Variants in ASMTL observed in about 807,000 individuals in gnomAD.
ASMTL encodes the protein probable bifunctional dTTP/UTP pyrophosphatase/methyltransferase protein.
A neutral mutation model predicts 60.3 loss-of-function variants in ASMTL; 57 were observed. The ratio of observed to expected loss-of-function variants is 0.95; its 90% CI spans 0.76 to 1.18. The LOEUF (loss-of-function observed/expected upper bound fraction) is 1.18. Among genes scored for constraint, ASMTL ranks in the 50% most tolerant of loss-of-function variants. The pLI is 0.00. For missense variants in ASMTL, 981 were observed against 852.6 expected, an observed-to-expected ratio of 1.15 and a Z score of -1.88; for synonymous variants, 419 against 373.0, an observed-to-expected ratio of 1.12 and a Z score of -1.42.
At chrX:1,452,691 T>C in intron 1 of ASMTL, 57 bp downstream of exon 1, 2 of 1,443,850 alleles carry the variant, frequency 1.4e-6, no homozygotes, top group Non-Finnish European at 1.9e-6. Flanking sequence ...CGCTGGGCCC[T>C]CCGGGGTTCA....
At chrX:1,407,251 G>T (rs1355699557) in intron 12 of ASMTL, among the ~76,000 whole-genome samples, 2 of 151,868 alleles carry the variant, frequency 1.3e-5, no homozygotes, top group African/African-American at 4.8e-5. Context: ...TAGATGGATG[G>T]ATGGATAGAT....
intron 2 of ASMTL, 101 bp from the exon 3 acceptor site, chrX:1,439,245 G>C: frequency 7.9e-7 from 1 of 1,260,102 alleles, no homozygotes; most frequent in Non-Finnish European, 1.1e-6. Flanking sequence ...CAGGGGCGAA[G>C]CCAGGCCGAC....
At position 1,406,053 on chromosome X, in the gene ASMTL, G is replaced by A. The variant is rs756457647; in HGVS notation, c.1646-2564C>T. On this transcript the variant is annotated intron_variant, in intron 12 of 12. Coordinates refer to ENST00000381317, the MANE Select transcript of ASMTL (RefSeq NM_004192.4). ...GATGGTAGACGATGGGTAGGTAGGT[G>A]GATGGATAGATGGAGGCATGGATGA... is the stretch of plus-strand genomic sequence containing the variant. Among the ~76,000 whole-genome samples the A allele has an allele frequency of 4.8e-3, 717 of 148,418 alleles. 8 individuals are homozygous for A. The highest frequency in any genetic ancestry group is 0.017 in the African/African-American group (677 of 40,126).
intron 12 of ASMTL, among the ~76,000 whole-genome samples, chrX:1,411,869 G>A (rs2090041083): frequency 6.9e-6 from 1 of 144,108 alleles, no homozygotes; most frequent in African/African-American, 2.6e-5. Flanking sequence ...CTGGAGTGCG[G>A]TGGCGCAGTC....
chrX:1,416,342 G>T (rs1424783290), intron 11 of ASMTL, among the ~76,000 whole-genome samples: 2 of 5,684 alleles, frequency 3.5e-4, no homozygotes, highest in East Asian at 8.5e-3. Flanking sequence ...CGGACATACA[G>T]ATACAGTGAC....
At chrX:1,435,216 C>A in intron 4 of ASMTL, 133 bp from the exon 5 acceptor site, 1 of 958,862 alleles carries the variant, frequency 1.0e-6, no homozygotes, top group South Asian at 1.4e-5. Context: ...TCTCCCCGAT[C>A]GTCCCGCTGT....
chrX:1,419,857 C>T (rs1453115139), intron 9 of ASMTL, among the ~76,000 whole-genome samples: 16 of 152,232 alleles, frequency 1.1e-4, no homozygotes, highest in Non-Finnish European at 1.8e-4. Flanking sequence ...TGGCTGCTCA[C>T]GCCAGCTCAG....
intron 2 of ASMTL, among the ~76,000 whole-genome samples, chrX:1,440,626 G>C (rs1418188321): frequency 5.9e-5 from 9 of 152,014 alleles, no homozygotes; most frequent in Admixed American, 6.6e-5. Flanking sequence ...AATGACAGTA[G>C]TGTATTAATT....
chrX:1,433,461 C>G (rs1439563536), intron 5 of ASMTL, among the ~76,000 whole-genome samples: 1 of 137,972 alleles, frequency 7.2e-6, no homozygotes, highest in Non-Finnish European at 1.5e-5. Flanking sequence ...GTCAGGAGAT[C>G]GAGACCCTCC....
At chrX:1,420,186 T>G (rs1433495197) in intron 9 of ASMTL, among the ~76,000 whole-genome samples, 3 of 151,882 alleles carry the variant, frequency 2.0e-5, no homozygotes, top group Admixed American at 2.0e-4. Context: ...CGCCTCCCTC[T>G]GTCTCTCAAG....
chrX:1,415,100 C>G (rs1202042879), intron 11 of ASMTL, among the ~76,000 whole-genome samples: 3 of 149,998 alleles, frequency 2.0e-5, no homozygotes, highest in African/African-American at 7.4e-5. Context: ...GCCACCATGC[C>G]TGGCTAATTT....
intron 9 of ASMTL, among the ~76,000 whole-genome samples, chrX:1,421,089 A>G (rs1273633755): frequency 6.6e-6 from 1 of 151,650 alleles, no homozygotes; most frequent in Non-Finnish European, 1.5e-5. Flanking sequence ...CCTCTTGAGT[A>G]GCTGGGACTA....
Position 1,418,061 on chromosome X carries a change from C to T in ASMTL, c.1434G>A (p.Val478=). The T allele has an allele frequency of 6.2e-7, 1 of 1,613,530 alleles. No individual in the cohort carries two copies. Among genetic ancestry groups the T allele is most frequent in the Non-Finnish European group, 8.5e-7 (1 of 1,179,600 alleles). ...ELAREYPRMQ[V]TVFDLPDIIE... is the part of the protein sequence containing the mutation. The stretch of plus-strand genomic sequence containing the variant: ...TAATGTCTGGGAGGTCAAACACAGT[C>T]ACCTGCATACGAGGGTACTCACGGG... The change falls in exon 11 of 13, where the codon GTG becomes GTA. Residue 478 remains valine, a synonymous_variant. Coordinates refer to ENST00000381317, the MANE Select transcript of ASMTL (RefSeq NM_004192.4).
Position 1,442,295 on chromosome X carries a change from G to C in ASMTL, c.116C>G (p.Pro39Arg). The C allele has an allele frequency of 6.2e-7, 1 of 1,613,812 alleles. No individual in the cohort carries two copies. Among genetic ancestry groups the C allele is most frequent in the Non-Finnish European group, 8.5e-7 (1 of 1,179,846 alleles). Residue 39 changes from proline (P) to arginine (R), a missense_variant, in exon 2 of 13, where the codon CCC becomes CGC. Physicochemically the swap from Pro to Arg is moderately radical, Grantham distance 103. Transcript: ENST00000381317. ...GTCCAGCTTCTCTTTAAACTTGGAG[G>C]GGACCACCTCAAACCTGAGACCCTG... ...SNAGLRFEVV[P>R]SKFKEKLDKA...
intron 6 of ASMTL, 61 bp downstream of exon 6, chrX:1,432,208 G>A (rs1469248196): frequency 2.9e-6 from 4 of 1,360,642 alleles, no homozygotes; most frequent in Admixed American, 3.8e-5. Context: ...GACACCCCAC[G>A]TGTGAGGGTG....
Position 1,421,780 on chromosome X carries a change from C to A in ASMTL, c.1123G>T (p.Gly375Cys). The change falls in exon 9 of 13, where the codon GGC becomes TGC. Residue 375 changes from glycine to cysteine, a missense_variant. Coordinates refer to ENST00000381317, the MANE Select transcript of ASMTL (RefSeq NM_004192.4). ...AGGTCATTATTGTGCATGATGAAGCCGTGCAGAGAGTATTCGCCATCCGAT... is the reference window on the plus strand; with the variant it reads ...AGGTCATTATTGTGCATGATGAAGCAGTGCAGAGAGTATTCGCCATCCGAT... ...LASDGEYSLH[G>C]FIMHNNDLTW... is the part of the protein sequence containing the mutation. 1 of 1,613,786 alleles carries A rather than the reference C, an allele frequency of 6.2e-7. No individual in the cohort carries two copies. Among genetic ancestry groups the A allele is most frequent in the Non-Finnish European group, 8.5e-7 (1 of 1,179,838 alleles).
chrX:1,417,866 G>T, intron 11 of ASMTL, 107 bp downstream of exon 11: 3 of 1,432,536 alleles, frequency 2.1e-6, no homozygotes, highest in Non-Finnish European at 2.8e-6. Context: ...ACCCACCATG[G>T]AAACGCCCAG....
At chrX:1,404,477 G>T (rs1164623447) in intron 12 of ASMTL, among the ~76,000 whole-genome samples, 11 of 146,578 alleles carry the variant, frequency 7.5e-5, no homozygotes, top group African/African-American at 2.8e-4. Flanking sequence ...TAGATAGATG[G>T]ATGTATAGAT....
At chrX:1,406,100 A>ATGGG (rs200046272) in intron 12 of ASMTL, among the ~76,000 whole-genome samples, 27,482 of 148,686 alleles carry the variant, frequency 0.18, 3,220 homozygotes, top group Non-Finnish European at 0.26. Flanking sequence ...GGGTGAATAA[A>ATGGG]TGGGTAGGTA....
Sources: allele counts gnomAD v4.1 joint callset (sites outside exome capture counted in the v4.1 genomes callset), GRCh38; gene constraint gnomAD v4.1.1; transcripts MANE v1.5; gene names NCBI Gene and HGNC (gene_info 2026-07-23, HGNC 2026-07-21).